The following TBCE variants were observed in gnomAD, a reference collection of about 807,000 sequenced individuals.
TBCE encodes the protein tubulin folding cofactor E, also known as tubulin-specific chaperone E.
In TBCE, 53 loss-of-function variants were observed where a neutral mutation model predicts 77.0. The ratio of observed to expected loss-of-function variants is 0.69; its 90% CI spans 0.55 to 0.87. The LOEUF is 0.87. TBCE is among the 40% of genes least tolerant of loss of function. The pLI is 0.00. For missense variants in TBCE, 624 were observed against 622.4 expected (o/e 1.00, Z -0.03); for synonymous variants, 235 against 241.3 (o/e 0.97, Z 0.24).
intron 15 of TBCE, among the ~76,000 whole-genome samples, chr1:235,447,893 T>TACTTGGGTAAAGTG (rs551030877): frequency 1.3e-5 from 2 of 152,116 alleles, no homozygotes; most frequent in Admixed American, 6.6e-5. Context: ...CCTAATTACT[T>TACTTGGGTAAAGTG]ACTTGGGTAA....
intron 3 of TBCE, among the ~76,000 whole-genome samples, chr1:235,404,479 C>A (rs1461528190): frequency 6.6e-6 from 1 of 151,722 alleles, no homozygotes; most frequent in African/African-American, 2.4e-5. Context: ...GTGAATGGAC[C>A]TTGTAGGACT....
chr1:235,436,264 A>G, intron 9 of TBCE, 122 bp from the exon 10 acceptor site: 1 of 839,918 alleles, frequency 1.2e-6, no homozygotes, highest in Non-Finnish European at 2.0e-6. Context: ...ATGGTTTCTA[A>G]GTATTTTACA....
chr1:235,430,375 C>G, intron 6 of TBCE: 1 of 299,826 alleles, frequency 3.3e-6, no homozygotes, highest in Non-Finnish European at 6.4e-6. Context: ...TTTGCAGTAT[C>G]CAGAGCCATA....
At chr1:235,387,468 G>T (rs567312162) in intron 2 of TBCE, among the ~76,000 whole-genome samples, 7 of 152,304 alleles carry the variant, frequency 4.6e-5, no homozygotes, top group African/African-American at 1.7e-4. Context: ...CGAGCTTCCC[G>T]GCTGCTTTGT....
At chr1:235,392,428 T>C (rs1009095443) in intron 2 of TBCE, among the ~76,000 whole-genome samples, 4 of 149,834 alleles carry the variant, frequency 2.7e-5, no homozygotes, top group Admixed American at 1.3e-4. Flanking sequence ...TTTTTTTTTT[T>C]AGACAGAGTC....
intron 3 of TBCE, among the ~76,000 whole-genome samples, chr1:235,403,423 T>G (rs1019980912): frequency 6.6e-6 from 1 of 152,170 alleles, no homozygotes; most frequent in Non-Finnish European, 1.5e-5. Flanking sequence ...TTGGCCAGAC[T>G]GTTCTCGAAC....
Position 235,448,912 on chromosome 1 carries a change from A to G in TBCE, c.*150A>G, listed in dbSNP as rs564895195. Reference sequence around the variant, plus strand: ...ACAAGGGATGTATTTTTTGTTGGGAAGTGACCATTTCTAGGCTTATACATA... The same window carrying G: ...ACAAGGGATGTATTTTTTGTTGGGAGGTGACCATTTCTAGGCTTATACATA... On this transcript the variant is annotated 3_prime_UTR_variant, in exon 17 of 17. Transcript: ENST00000642610. The G allele has an allele frequency of 5.3e-5, 36 of 676,062 alleles. 1 individual carries two copies. The highest frequency in any genetic ancestry group is 5.1e-4 in the South Asian group (33 of 64,446). The allele number at this position is 676,062 out of a possible 1,614,324, so 41.9% of individuals were successfully genotyped here.
intron 4 of TBCE, chr1:235,414,927 T>A: frequency 2.8e-6 from 1 of 360,698 alleles, no homozygotes; most frequent in Non-Finnish European, 5.3e-6. Flanking sequence ...CTTTTCTATT[T>A]CATGGTGATG....
intron 1 of TBCE, among the ~76,000 whole-genome samples, chr1:235,375,758 T>C (rs1677253496): frequency 2.6e-5 from 4 of 151,830 alleles, no homozygotes. Context: ...AATACTGACT[T>C]GAGGCTGGGC....
At chr1:235,444,053 C>G (rs1414354177) in intron 15 of TBCE, among the ~76,000 whole-genome samples, 1 of 152,154 alleles carries the variant, frequency 6.6e-6, no homozygotes, top group Non-Finnish European at 1.5e-5. Flanking sequence ...CTTAATGACT[C>G]TAGTACACTG....
chr1:235,436,333 C>A, intron 9 of TBCE, 53 bp from the exon 10 acceptor site: 1 of 1,548,570 alleles, frequency 6.5e-7, no homozygotes, highest in South Asian at 1.1e-5. Context: ...GGTTGATACC[C>A]CATAGCATTT....
intron 5 of TBCE, among the ~76,000 whole-genome samples, chr1:235,421,615 G>C (rs1217134091): frequency 1.3e-5 from 2 of 152,028 alleles, no homozygotes; most frequent in Non-Finnish European, 2.9e-5. Context: ...GGCTGAGGCA[G>C]GGAGAATTGC....
At position 235,414,463 on chromosome 1, in the gene TBCE, G is replaced by C. The variant is rs777273223; in HGVS notation, c.216G>C (p.Pro72=). Reference sequence around the variant, plus strand: ...CGACAGGAGGATCCTTTATTCGTCCGAACAAGGTAAATTTTGGAACAGACT... The same window carrying C: ...CGACAGGAGGATCCTTTATTCGTCCCAACAAGGTAAATTTTGGAACAGACT... ...RHPTGGSFIR[P]NKVNFGTDFL... is the part of the protein sequence containing the mutation. Residue 72 remains proline, a synonymous_variant, in exon 4 of 17, where the codon CCG becomes CCC. Transcript: ENST00000642610. The C allele has an allele frequency of 3.7e-6, 6 of 1,613,546 alleles. No individual in the cohort carries two copies. In the East Asian group the frequency reaches 1.1e-4, roughly 30 times the overall value.
intron 5 of TBCE, among the ~76,000 whole-genome samples, chr1:235,420,158 C>T (rs926501487): frequency 2.6e-5 from 4 of 152,146 alleles, no homozygotes; most frequent in African/African-American, 9.7e-5. Flanking sequence ...CTGCCTTGAG[C>T]GGATGGAAAG....
chr1:235,442,904 A>G lies in TBCE; in HGVS notation c.1392A>G (p.Gln464=). Residue 464 remains glutamine (Q), a synonymous_variant, in exon 15 of 17, where the codon CAA becomes CAG. Coordinates refer to ENST00000642610, the MANE Select transcript of TBCE (RefSeq NM_003193.5). The stretch of plus-strand genomic sequence containing the variant: ...TTGATCAGAAAGTCCTGGAGAAACA[A>G]CTGCCGGGTAAGAAGAACCAGCCTG... ...HQLDQKVLEK[Q]LPGSMTIQKV... 1 of 1,614,134 alleles carries G rather than the reference A, an allele frequency of 6.2e-7. No homozygotes were observed. The highest frequency in any genetic ancestry group is 8.5e-7 in the Non-Finnish European group (1 of 1,180,012).
chr1:235,368,412 G>A (rs1676694482), intron 1 of TBCE, among the ~76,000 whole-genome samples: 2 of 146,444 alleles, frequency 1.4e-5, no homozygotes, highest in African/African-American at 5.2e-5. Flanking sequence ...CATTAATTTA[G>A]CCACGGCCGC....
intron 8 of TBCE, among the ~76,000 whole-genome samples, 154 bp from the exon 9 acceptor site, chr1:235,435,591 C>T (rs1403343320): frequency 6.6e-6 from 1 of 152,132 alleles, no homozygotes; most frequent in Non-Finnish European, 1.5e-5. Context: ...ATGTGCATCA[C>T]CACAGGGACC....
In TBCE at chr1:235,380,108, A is replaced by G. The variant is rs1390872569; in HGVS notation, c.59A>G (p.His20Arg). Residue 20 changes from histidine (H) to arginine (R), a missense_variant, in exon 2 of 17, where the codon CAT (histidine) becomes CGT (arginine). Coordinates refer to ENST00000642610, the MANE Select transcript of TBCE (RefSeq NM_003193.5). ...IGRRVEVNGEHATVRFAGVVP... is the reference protein window; with the variant it reads ...IGRRVEVNGERATVRFAGVVP... Reference sequence around the variant, plus strand: ...CGAAGAGTTGAAGTTAATGGAGAACATGCAACAGTACGTTTTGCTGGTGTT... The same window carrying G: ...CGAAGAGTTGAAGTTAATGGAGAACGTGCAACAGTACGTTTTGCTGGTGTT... 1.9e-6 allele frequency: 3 copies of G among 1,613,406 alleles called. No homozygotes were observed. The highest frequency in any genetic ancestry group is 3.3e-5 in the Admixed American group (2 of 59,900).
Position 235,450,532 on chromosome 1 carries a change from T to C in TBCE, c.*1770T>C. On this transcript the variant is annotated 3_prime_UTR_variant, in exon 17 of 17. Transcript: ENST00000642610. ...TTTGGGAAAGCACCAGGTCCCACAG[T>C]CCTGTGGCTGTGGAATACAGAAACA... is the stretch of plus-strand genomic sequence containing the variant. 1 of 587,310 alleles carries C rather than the reference T, an allele frequency of 1.7e-6. No homozygotes were observed. The highest frequency in any genetic ancestry group is 2.9e-6 in the Non-Finnish European group (1 of 340,566). The allele number at this position is 587,310 out of a possible 1,614,324, so 36.4% of individuals were successfully genotyped here.
Sources: gnomAD v4.1 joint callset for allele counts (sites outside exome capture counted in the v4.1 genomes callset) on GRCh38, gnomAD v4.1.1 for gene constraint, MANE v1.5 for transcripts, NCBI Gene and HGNC (gene_info 2026-07-23, HGNC 2026-07-21) for gene names.